FAM118A: variants seen among roughly 807,000 people sequenced by gnomAD.
FAM118A encodes protein FAM118A.
A neutral mutation model predicts 38.2 loss-of-function variants in FAM118A; 25 were observed. The ratio of observed to expected loss-of-function variants is 0.65; its 90% CI spans 0.48 to 0.91. The LOEUF is 0.91. FAM118A is among the 40% of genes least tolerant of loss of function. The pLI, the probability that FAM118A is intolerant of heterozygous loss-of-function variation, is 0.00. For synonymous variants in FAM118A, 178 were observed against 184.1 expected, an observed-to-expected ratio of 0.97 and a Z score of 0.27; for missense variants, 425 against 463.3, an observed-to-expected ratio of 0.92 and a Z score of 0.76.
At chr22:45,339,335 G>C (rs1006042260) in intron 8 of FAM118A, among the ~76,000 whole-genome samples, 2 of 151,294 alleles carry the variant, frequency 1.3e-5, no homozygotes, top group East Asian at 3.9e-4. Context: ...GGAGGCGGAG[G>C]TTGCAGTGAG....
intron 1 of FAM118A, among the ~76,000 whole-genome samples, chr22:45,315,039 G>A (rs1368892357): frequency 2.0e-5 from 3 of 152,192 alleles, no homozygotes; most frequent in Non-Finnish European, 4.4e-5. Flanking sequence ...CGTGTAAAAC[G>A]CTTAGCATTT....
chr22:45,322,557 C>A, intron 2 of FAM118A, 131 bp downstream of exon 2: 2 of 807,804 alleles, frequency 2.5e-6, no homozygotes, highest in East Asian at 2.5e-5. Flanking sequence ...ATGAGAGAAC[C>A]TCGAGGGCCA....
At chr22:45,313,849 G>A (rs769953561) in intron 1 of FAM118A, among the ~76,000 whole-genome samples, 9 of 152,258 alleles carry the variant, frequency 5.9e-5, no homozygotes, top group African/African-American at 1.9e-4. Flanking sequence ...CTAATGTGAC[G>A]CAGCTGTTTA....
chr22:45,330,547 C>G lies in FAM118A; in HGVS notation c.523-56C>G. On this transcript the variant is annotated intron_variant, in intron 4 of 8. Transcript: ENST00000441876. ...GAATCCATTTTCAGTATTTTCTTCT[C>G]TCTGTTTGAAACAGTTTGAGGATGT... 4 of 1,462,244 alleles carry G rather than the reference C, an allele frequency of 2.7e-6. No homozygotes were observed. The Admixed American group carries it at 7.8e-5, about 28-fold the overall frequency. The allele number at this position is 1,462,244 out of a possible 1,614,324, so 90.6% of individuals were successfully genotyped here.
intron 8 of FAM118A, among the ~76,000 whole-genome samples, chr22:45,337,609 A>T (rs972544018): frequency 1.8e-4 from 27 of 151,858 alleles, no homozygotes; most frequent in African/African-American, 6.5e-4. Context: ...TTTTTTTTTA[A>T]AAAAAGTATG....
intron 1 of FAM118A, among the ~76,000 whole-genome samples, chr22:45,317,886 A>T (rs767253662): frequency 6.6e-6 from 1 of 151,990 alleles, no homozygotes; most frequent in African/African-American, 2.4e-5. Context: ...GCTTCCCGTT[A>T]TCCCATTTGC....
intron 6 of FAM118A, among the ~76,000 whole-genome samples, chr22:45,334,407 C>G (rs934024841): frequency 2.0e-5 from 3 of 152,164 alleles, no homozygotes; most frequent in African/African-American, 7.2e-5. Flanking sequence ...ACAGATAATC[C>G]AATCGCTAAA....
chr22:45,326,981 T>A (rs1418971776), intron 3 of FAM118A, among the ~76,000 whole-genome samples: 2 of 151,188 alleles, frequency 1.3e-5, no homozygotes, highest in African/African-American at 4.9e-5. Context: ...CTCACTGCAC[T>A]CCAGCCTGGG....
intron 5 of FAM118A, among the ~76,000 whole-genome samples, chr22:45,331,759 G>T (rs1396931184): frequency 6.6e-6 from 1 of 152,128 alleles, no homozygotes; most frequent in Admixed American, 6.6e-5. Context: ...TTGGTGATAA[G>T]AAATACCTGG....
At chr22:45,316,809 C>T (rs557744348) in intron 1 of FAM118A, among the ~76,000 whole-genome samples, 2 of 152,294 alleles carry the variant, frequency 1.3e-5, no homozygotes, top group African/African-American at 4.8e-5. Context: ...CATAAATCAA[C>T]TCCTTTGTAG....
At chr22:45,332,303 C>T (rs925094511) in intron 5 of FAM118A, 122 bp from the exon 6 acceptor site, 67 of 996,314 alleles carry the variant, frequency 6.7e-5, no homozygotes, top group Non-Finnish European at 9.3e-5. Flanking sequence ...TGCTCCTCAG[C>T]GTGGCCCTGG....
At chr22:45,328,639 A>C in intron 4 of FAM118A, 1 of 587,504 alleles carries the variant, frequency 1.7e-6, no homozygotes, top group Non-Finnish European at 3.0e-6. Flanking sequence ...TCTTAAAAAA[A>C]AAAAAGTAAT....
intron 4 of FAM118A, chr22:45,328,675 TG>T (rs2085489631): frequency 1.8e-6 from 1 of 569,368 alleles, no homozygotes; most frequent in Non-Finnish European, 3.1e-6. Context: ...ACTGGCAACT[TG>T]GGAGGCTGAG....
intron 1 of FAM118A, among the ~76,000 whole-genome samples, chr22:45,320,831 G>T (rs1009064699): frequency 5.9e-5 from 9 of 152,200 alleles, no homozygotes; most frequent in African/African-American, 4.8e-5. Flanking sequence ...TTGGTGGTGT[G>T]TGCTAAGATA....
intron 2 of FAM118A, 68 bp from the exon 3 acceptor site, chr22:45,323,107 T>A: frequency 1.3e-6 from 2 of 1,509,554 alleles, no homozygotes; most frequent in Non-Finnish European, 1.8e-6. Flanking sequence ...TCGCAGACAG[T>A]TCCAGACTTT....
At chr22:45,330,902 T>A in intron 5 of FAM118A, 171 bp downstream of exon 5, 1 of 605,228 alleles carries the variant, frequency 1.7e-6, no homozygotes, top group Non-Finnish European at 2.5e-6. Flanking sequence ...CGTCTGTGTC[T>A]CTGGGGTCCC....
In FAM118A at chr22:45,335,344, CT is replaced by C; in HGVS notation, c.938-4del. ...GCTCCACTGACTGCTTTTCTTTCTC[CT>C]TCAGATGCTGATCGCGTGGACAGCA... On this transcript the variant is annotated splice_region_variant and splice_polypyrimidine_tract_variant and intron_variant, in intron 6 of 8. Transcript: ENST00000441876. The C allele has an allele frequency of 6.2e-7, 1 of 1,614,240 alleles. No individual in the cohort carries two copies. The highest frequency in any genetic ancestry group is 8.5e-7 in the Non-Finnish European group (1 of 1,180,042).
intron 1 of FAM118A, among the ~76,000 whole-genome samples, chr22:45,312,604 G>C: frequency 6.6e-6 from 1 of 152,200 alleles, no homozygotes; most frequent in South Asian, 2.1e-4. Context: ...AACCCGGAAG[G>C]CTGAGGTTGC....
Position 45,332,639 on chromosome 22 carries a change from G to T in FAM118A, c.866G>T (p.Gly289Val). 1.9e-6 allele frequency: 3 copies of T among 1,614,216 alleles called. No individual in the cohort carries two copies. Among genetic ancestry groups the T allele is most frequent in the Non-Finnish European group, 2.5e-6 (3 of 1,180,030 alleles). The part of the protein sequence containing the change: ...LLHGIKVVSY[G>V]DCFDHFPGYV... ...CACGGAATCAAAGTTGTATCCTACG[G>T]GGACTGTTTTGACCACTTTCCAGGA... is the stretch of plus-strand genomic sequence containing the variant. Residue 289 changes from glycine to valine, a missense_variant, in exon 6 of 9, where the codon GGG (glycine) becomes GTG (valine). Gly to Val is a moderately radical substitution (Grantham distance 109). Transcript: ENST00000441876.
Sources: gnomAD v4.1 joint callset for allele counts (sites outside exome capture counted in the v4.1 genomes callset) on GRCh38, gnomAD v4.1.1 for gene constraint, MANE v1.5 for transcripts, NCBI Gene and HGNC (gene_info 2026-07-23, HGNC 2026-07-21) for gene names.